The following B3GALT1 variants were observed in gnomAD, a reference collection of about 807,000 sequenced individuals.
B3GALT1 encodes UDP-Gal:betaGlcNAc beta 1,3-galactosyltransferase, polypeptide 1.
In B3GALT1, 10 loss-of-function variants were observed where a neutral mutation model predicts 23.2. That is an observed-to-expected ratio of 0.43 (90% confidence interval 0.27 to 0.73). The LOEUF (loss-of-function observed/expected upper bound fraction) is 0.73, where lower values mean the gene tolerates loss of function less well. Ranked by LOEUF, B3GALT1 falls within the 30% of genes least tolerant of loss-of-function variation. The probability of loss-of-function intolerance (pLI) is 0.21; values close to 1 mark genes in which losing one functional copy is unlikely to be tolerated. For missense variants in B3GALT1, 299 were observed against 405.4 expected (o/e 0.74, Z 2.25); for synonymous variants, 156 against 141.5 (o/e 1.10, Z -0.73).
At chr2:167,496,713 G>A (rs1014164590) in intron 2 of B3GALT1, among the ~76,000 whole-genome samples, 12 of 152,170 alleles carry the variant, frequency 7.9e-5, no homozygotes, top group African/African-American at 2.2e-4. Flanking sequence ...GGTATTAGGA[G>A]GTGAAGCCTT....
intron 1 of B3GALT1, among the ~76,000 whole-genome samples, chr2:167,449,640 G>T (rs1340249440): frequency 6.6e-6 from 1 of 152,142 alleles, no homozygotes; most frequent in Admixed American, 6.5e-5. Flanking sequence ...TTGAATAGAA[G>T]TGGTGAGAGT....
intron 3 of B3GALT1, among the ~76,000 whole-genome samples, chr2:167,754,202 A>C (rs1005184854): frequency 5.3e-5 from 8 of 152,220 alleles, no homozygotes; most frequent in African/African-American, 1.9e-4. Context: ...CATTTTCAGA[A>C]GCACCCTAGT....
Position 167,703,453 on chromosome 2 carries a change from C to T in B3GALT1, c.-352+56487C>T, listed in dbSNP as rs77316977. ...GAAAAGCCTAGTCCTGGGAAACTTA[C>T]GTTTTGTATTTTTTTTCTCTTTAAC... On this transcript the variant is annotated intron_variant, in intron 3 of 4. Coordinates refer to ENST00000392690, the MANE Select transcript of B3GALT1 (RefSeq NM_020981.4). Among the ~76,000 whole-genome samples, 1,232 of 151,856 alleles carry T rather than the reference C, an allele frequency of 8.1e-3. 7 individuals carry two copies. Among genetic ancestry groups the T allele is most frequent in the African/African-American group, 9.0e-3 (371 of 41,402 alleles).
At position 167,752,896 on chromosome 2, in the gene B3GALT1, G is replaced by T. The variant is rs118053601; in HGVS notation, c.-351-65776G>T. Among the ~76,000 whole-genome samples the T allele has an allele frequency of 4.3e-4, 65 of 152,330 alleles. 1 individual carries two copies. In the East Asian group the frequency reaches 0.012, roughly 28 times the overall value. On this transcript the variant is annotated intron_variant, in intron 3 of 4. Transcript: ENST00000392690. ...ACTGTCTCCTGAGTGAGCCAGGAGAGATGCAACAGCTGAGTGCATGCAGCA... is the reference window on the plus strand; with the variant it reads ...ACTGTCTCCTGAGTGAGCCAGGAGATATGCAACAGCTGAGTGCATGCAGCA...
rs201603986 is a variant in B3GALT1, at chr2:167,557,146, T to C, written c.-410+66869T>C. ...TTATCTACATAAGTACATTAGTCTT[T>C]TTTTTTTTAATTCTGTTTATACACC... On this transcript the variant is annotated intron_variant, in intron 2 of 4. Transcript: ENST00000392690. Among the ~76,000 whole-genome samples, 658 of 152,240 alleles carry C rather than the reference T, an allele frequency of 4.3e-3. 21 individuals carry two copies. In the East Asian group the frequency reaches 0.085, roughly 20 times the overall value.
chr2:167,790,247 C>T (rs1688410748), intron 3 of B3GALT1, among the ~76,000 whole-genome samples: 1 of 152,124 alleles, frequency 6.6e-6, no homozygotes, highest in African/African-American at 2.4e-5. Context: ...GAGTCAGACT[C>T]ACCTTTTTCT....
intron 2 of B3GALT1, among the ~76,000 whole-genome samples, chr2:167,568,525 A>G (rs1010753754): frequency 4.6e-5 from 7 of 152,150 alleles, no homozygotes; most frequent in South Asian, 2.1e-4. Flanking sequence ...TTGCTCTTGA[A>G]TGTCTTCTTT....
intron 3 of B3GALT1, among the ~76,000 whole-genome samples, chr2:167,676,554 CAT>C (rs1450632534): frequency 7.1e-5 from 9 of 126,366 alleles, no homozygotes; most frequent in South Asian, 2.5e-4. Context: ...CACACACACA[CAT>C]ATATATGTGT....
chr2:167,358,812 T>G (rs1261372700), intron 1 of B3GALT1, among the ~76,000 whole-genome samples: 3 of 152,286 alleles, frequency 2.0e-5, no homozygotes, highest in African/African-American at 7.2e-5. Context: ...CAAAAGTTTT[T>G]TATTTTTTTG....
At chr2:167,446,328 G>C (rs1198493982) in intron 1 of B3GALT1, among the ~76,000 whole-genome samples, 1 of 152,100 alleles carries the variant, frequency 6.6e-6, no homozygotes, top group Non-Finnish European at 1.5e-5. Context: ...TGGTGAATCT[G>C]ACAATTATGT....
At chr2:167,571,548 C>T (rs145241434) in intron 2 of B3GALT1, among the ~76,000 whole-genome samples, 1 of 151,978 alleles carries the variant, frequency 6.6e-6, no homozygotes, top group East Asian at 1.9e-4. Flanking sequence ...TTACCCATAG[C>T]ACCTCACACA....
chr2:167,738,160 G>A (rs1484321951), intron 3 of B3GALT1, among the ~76,000 whole-genome samples: 2 of 152,120 alleles, frequency 1.3e-5, no homozygotes, highest in African/African-American at 4.8e-5. Flanking sequence ...TGACAGACAA[G>A]GTTGTAAGAA....
At chr2:167,409,216 C>T (rs771536722) in intron 1 of B3GALT1, among the ~76,000 whole-genome samples, 1 of 152,134 alleles carries the variant, frequency 6.6e-6, no homozygotes, top group Non-Finnish European at 1.5e-5. Context: ...GAGAATCTGA[C>T]AATTATGTGT....
At chr2:167,556,499 G>A (rs1481782500) in intron 2 of B3GALT1, among the ~76,000 whole-genome samples, 1 of 152,102 alleles carries the variant, frequency 6.6e-6, no homozygotes, top group Non-Finnish European at 1.5e-5. Context: ...TAAGTAACAT[G>A]AGGAAGCCTT....
At chr2:167,484,949 G>A (rs1053103966) in intron 1 of B3GALT1, among the ~76,000 whole-genome samples, 5 of 152,036 alleles carry the variant, frequency 3.3e-5, no homozygotes, top group Admixed American at 6.6e-5. Context: ...GTTAGAATTC[G>A]GTATCTTACA....
chr2:167,866,977 A>T (rs1001153108), intron 4 of B3GALT1, among the ~76,000 whole-genome samples: 14 of 151,720 alleles, frequency 9.2e-5, no homozygotes, highest in African/African-American at 3.2e-4. Context: ...CCCAGGCTGG[A>T]GTGCAGTGGC....
chr2:167,552,140 T>G (rs1158529584), intron 2 of B3GALT1, among the ~76,000 whole-genome samples: 2 of 152,182 alleles, frequency 1.3e-5, no homozygotes. Context: ...GAGAATTGGG[T>G]CTAACTTTCC....
At chr2:167,500,443 G>A (rs553232486) in intron 2 of B3GALT1, among the ~76,000 whole-genome samples, 2 of 152,228 alleles carry the variant, frequency 1.3e-5, no homozygotes, top group East Asian at 3.9e-4. Flanking sequence ...TTGTGTGGGG[G>A]TGTCATTGAA....
chr2:167,786,215 G>A (rs996308123), intron 3 of B3GALT1, among the ~76,000 whole-genome samples: 2 of 152,162 alleles, frequency 1.3e-5, no homozygotes, highest in Non-Finnish European at 2.9e-5. Flanking sequence ...CTGGGTTTTA[G>A]TTCCAACCTT....
Sources: allele counts gnomAD v4.1 joint callset (sites outside exome capture counted in the v4.1 genomes callset), GRCh38; gene constraint gnomAD v4.1.1; transcripts MANE v1.5; gene names NCBI Gene and HGNC (gene_info 2026-07-23, HGNC 2026-07-21).